Variants in EYA4 observed in about 807,000 individuals in gnomAD.
EYA4 encodes EYA transcriptional coactivator and phosphatase 4, also known as protein phosphatase EYA4.
A neutral mutation model predicts 87.9 loss-of-function variants in EYA4; 31 were observed. That is an observed-to-expected ratio of 0.35 (90% CI 0.27 to 0.48). The LOEUF (loss-of-function observed/expected upper bound fraction) is 0.48. Ranked by LOEUF, EYA4 falls within the 20% of genes least tolerant of loss-of-function variation. EYA4 has a pLI of 0.99. For missense variants in EYA4, 678 were observed against 761.4 expected (o/e 0.89, Z 1.29); for synonymous variants, 263 against 270.6 (o/e 0.97, Z 0.28).
At chr6:133,296,031 G>A (rs537280250) in intron 2 of EYA4, among the ~76,000 whole-genome samples, 14 of 152,176 alleles carry the variant, frequency 9.2e-5, no homozygotes, top group Non-Finnish European at 1.6e-4. Context: ...TGCTGTGGAG[G>A]TCGGTGATCA....
intron 2 of EYA4, among the ~76,000 whole-genome samples, chr6:133,358,338 ATT>A (rs1230608896): frequency 9.9e-5 from 15 of 152,104 alleles, no homozygotes; most frequent in Non-Finnish European, 1.6e-4. Flanking sequence ...AAATATTTGA[ATT>A]TTCAATTATT....
intron 3 of EYA4, among the ~76,000 whole-genome samples, chr6:133,431,934 T>C (rs750516029): frequency 1.0e-4 from 14 of 139,660 alleles, no homozygotes; most frequent in Non-Finnish European, 1.7e-4. Context: ...CCCAATAAAA[T>C]AGTCCATTTT....
At chr6:133,477,877 A>T (rs931905007) in intron 11 of EYA4, among the ~76,000 whole-genome samples, 5 of 152,026 alleles carry the variant, frequency 3.3e-5, no homozygotes, top group Non-Finnish European at 7.4e-5. Context: ...ATGTTTCATA[A>T]TAAAGAGCTT....
At position 133,530,356 on chromosome 6, in the gene EYA4, G is replaced by T. The variant is rs895041455; in HGVS notation, c.*1551G>T. 1.6e-5 allele frequency: 16 copies of T among 985,300 alleles called. No homozygotes were observed. Among genetic ancestry groups the T allele is most frequent in the Non-Finnish European group, 1.8e-5 (15 of 829,938 alleles). The allele number at this position is 985,300 out of a possible 1,614,324, so 61.0% of individuals were successfully genotyped here. A position where few individuals can be genotyped will look rare whatever the true frequency, so the allele number is the denominator to read the frequency against. On this transcript the variant is annotated 3_prime_UTR_variant, in exon 20 of 20. Transcript: ENST00000355286. ...TGCATGGTTTTTTTCCTTGTGTGTA[G>T]CCCATGTTGGGAACACGATACAGGT...
intron 2 of EYA4, among the ~76,000 whole-genome samples, chr6:133,282,153 T>C (rs1019370436): frequency 1.3e-5 from 2 of 152,144 alleles, no homozygotes; most frequent in African/African-American, 4.8e-5. Flanking sequence ...TTAAAGTTCT[T>C]TGAGAAATCT....
Position 133,322,722 on chromosome 6 carries a change from C to A in EYA4, c.33+47909C>A, listed in dbSNP as rs146097517. On this transcript the variant is annotated intron_variant, in intron 2 of 19. Coordinates refer to ENST00000355286, the MANE Select transcript of EYA4 (RefSeq NM_004100.5). Reference sequence around the variant, plus strand: ...AAGACTATGTCTTAACTACTATAACCTACTATAATTCCTAATAAATCTTGT... The same window carrying A: ...AAGACTATGTCTTAACTACTATAACATACTATAATTCCTAATAAATCTTGT... 2.0e-5 allele frequency among the ~76,000 whole-genome samples: 3 copies of A among 152,250 alleles called. No individual in the cohort carries two copies. The East Asian group carries it at 5.8e-4, about 29-fold the overall frequency.
intron 2 of EYA4, among the ~76,000 whole-genome samples, chr6:133,320,840 A>G (rs1454172211): frequency 1.3e-5 from 2 of 152,288 alleles, no homozygotes; most frequent in Non-Finnish European, 1.5e-5. Context: ...GTGTTGCTGC[A>G]GGAGACATGA....
intron 2 of EYA4, among the ~76,000 whole-genome samples, chr6:133,357,390 C>A (rs2128440175): frequency 6.6e-6 from 1 of 151,428 alleles, no homozygotes; most frequent in East Asian, 1.9e-4. Context: ...ATTATTCTCA[C>A]AAAATGTATT....
At chr6:133,513,416 G>GCC (rs1799327896) in intron 16 of EYA4, among the ~76,000 whole-genome samples, 1 of 152,102 alleles carries the variant, frequency 6.6e-6, no homozygotes, top group Non-Finnish European at 1.5e-5. Context: ...ATTGAAGGAC[G>GCC]GTGGTTAGCA....
chr6:133,496,195 G>C (rs1034251431), intron 13 of EYA4, among the ~76,000 whole-genome samples: 2 of 152,120 alleles, frequency 1.3e-5, no homozygotes, highest in Admixed American at 1.3e-4. Flanking sequence ...TTTCTGGGAG[G>C]GGGGAAAAGA....
intron 18 of EYA4, 29 bp from the exon 19 acceptor site, chr6:133,525,125 C>T (rs779742572): frequency 1.9e-5 from 31 of 1,613,490 alleles, no homozygotes; most frequent in Admixed American, 3.3e-5. Context: ...GGTAACTTCA[C>T]TCTGAACTTT....
chr6:133,262,378 G>T (rs149921502), intron 1 of EYA4, among the ~76,000 whole-genome samples: 2,734 of 152,312 alleles, frequency 0.018, 57 homozygotes, highest in Non-Finnish European at 0.025. Flanking sequence ...TCTCAGTACT[G>T]GTAGGGAAGA....
chr6:133,336,330 A>C (rs1291216038), intron 2 of EYA4, among the ~76,000 whole-genome samples: 1 of 152,214 alleles, frequency 6.6e-6, no homozygotes, highest in Non-Finnish European at 1.5e-5. Context: ...TAACTTCACA[A>C]TTAGTGGTAC....
chr6:133,417,369 G>A (rs1408642026), intron 3 of EYA4, among the ~76,000 whole-genome samples: 1 of 152,150 alleles, frequency 6.6e-6, no homozygotes, highest in Non-Finnish European at 1.5e-5. Flanking sequence ...TGTTATTATA[G>A]TAGGTTAGGA....
In EYA4 at chr6:133,241,421, A is replaced by C. The variant is rs1022314958; in HGVS notation, c.-394A>C. 1.3e-5 allele frequency: 2 copies of C among 152,272 alleles called. No individual in the cohort carries two copies. Among genetic ancestry groups the C allele is most frequent in the African/African-American group, 4.8e-5 (2 of 41,452 alleles). The allele number at this position is 152,272 out of a possible 1,614,324, so 9.4% of individuals were successfully genotyped here. A position where few individuals can be genotyped will look rare whatever the true frequency, so the allele number is the denominator to read the frequency against. On this transcript the variant is annotated 5_prime_UTR_variant, in exon 1 of 20. Coordinates refer to ENST00000355286, the MANE Select transcript of EYA4 (RefSeq NM_004100.5). ...TTAGAGAGGGGGAAAGAGCTGCGGG[A>C]AAAGCCGGGGAGTGACGACTGCGGC...
intron 9 of EYA4, among the ~76,000 whole-genome samples, chr6:133,464,167 GC>G (rs1000857667): frequency 4.6e-5 from 7 of 151,784 alleles, no homozygotes; most frequent in African/African-American, 1.7e-4. Context: ...ACTTGTTTTT[GC>G]CCTGATTTGA....
Position 133,529,678 on chromosome 6 carries a change from G to T in EYA4, c.*873G>T. On this transcript the variant is annotated 3_prime_UTR_variant, in exon 20 of 20. Transcript: ENST00000355286. The stretch of plus-strand genomic sequence containing the variant: ...AAAGGAAAGCTTGTGTTTCATTTGG[G>T]TTCTTAATAATTCCAATAATTGTAT... The T allele has an allele frequency of 2.0e-6, 2 of 984,742 alleles. No individual in the cohort carries two copies. The highest frequency in any genetic ancestry group is 4.7e-5 in the South Asian group (1 of 21,264). 61.0% of individuals were successfully genotyped at this position (984,742 alleles called of 1,614,324 possible). A position where few individuals can be genotyped will look rare whatever the true frequency, so the allele number is the denominator to read the frequency against.
At chr6:133,449,707 C>T (rs1793228954) in intron 5 of EYA4, among the ~76,000 whole-genome samples, 1 of 152,164 alleles carries the variant, frequency 6.6e-6, no homozygotes, top group African/African-American at 2.4e-5. Flanking sequence ...CTTGGCAAGA[C>T]TTTTGTCTTA....
At chr6:133,315,087 C>T (rs920376541) in intron 2 of EYA4, among the ~76,000 whole-genome samples, 13 of 152,154 alleles carry the variant, frequency 8.5e-5, no homozygotes, top group Admixed American at 2.6e-4. Flanking sequence ...CCGCATGGAA[C>T]GGAGCCAGTC....
Sources: gnomAD v4.1 joint callset for allele counts (sites outside exome capture counted in the v4.1 genomes callset) on GRCh38, gnomAD v4.1.1 for gene constraint, MANE v1.5 for transcripts, NCBI Gene and HGNC (gene_info 2026-07-23, HGNC 2026-07-21) for gene names.